The following CAMK1D variants were observed in gnomAD, a reference collection of about 807,000 sequenced individuals.
CAMK1D encodes calcium/calmodulin dependent protein kinase ID, also known as calcium/calmodulin-dependent protein kinase type 1D.
A neutral mutation model predicts 47.7 loss-of-function variants in CAMK1D; 9 were observed. The ratio of observed to expected loss-of-function variants is 0.19; its 90% CI spans 0.11 to 0.33. The LOEUF (loss-of-function observed/expected upper bound fraction) is 0.33. Ranked by LOEUF, CAMK1D falls within the 10% of genes least tolerant of loss-of-function variation. The pLI is 1.00. For missense variants in CAMK1D, 291 were observed against 488.7 expected (o/e 0.60, Z 3.81); for synonymous variants, 184 against 184.9 (o/e 0.99, Z 0.04).
At position 12,391,470 on chromosome 10, in the gene CAMK1D, A is replaced by T. The variant is rs568493863; in HGVS notation, c.92+41560A>T. The stretch of plus-strand genomic sequence containing the variant: ...TCACCGGTTGCTTTTCACATTCTTA[A>T]TTCTTTTGCCAATTTTCCAGATGCC... On this transcript the variant is annotated intron_variant, in intron 1 of 10. Coordinates refer to ENST00000619168, the MANE Select transcript of CAMK1D (RefSeq NM_153498.4). 5.3e-5 allele frequency among the ~76,000 whole-genome samples: 8 copies of T among 152,100 alleles called. No individual in the cohort carries two copies. The South Asian group carries it at 1.7e-3, about 32-fold the overall frequency.
In CAMK1D at chr10:12,732,650, C is replaced by T. The variant is rs114446904; in HGVS notation, c.300-28298C>T. On this transcript the variant is annotated intron_variant, in intron 3 of 10. Transcript: ENST00000619168. ...GAGAATAGCACAGGAAAGATGGGCC[C>T]CCATTATTCAATTACCCCCGCCCCC... 1.2e-3 allele frequency among the ~76,000 whole-genome samples: 184 copies of T among 150,570 alleles called. 1 individual carries two copies. Among genetic ancestry groups the T allele is most frequent in the African/African-American group, 4.3e-3 (175 of 40,318 alleles).
chr10:12,636,687 A>G (rs1839521408), intron 2 of CAMK1D, among the ~76,000 whole-genome samples: 1 of 152,136 alleles, frequency 6.6e-6, no homozygotes, highest in Non-Finnish European at 1.5e-5. Flanking sequence ...ACTTGTTTGA[A>G]GTTATACAGC....
intron 1 of CAMK1D, among the ~76,000 whole-genome samples, chr10:12,547,200 T>G (rs919166264): frequency 6.6e-6 from 1 of 152,004 alleles, no homozygotes; most frequent in African/African-American, 2.4e-5. Context: ...AGCAAAGAAC[T>G]TTAGGAAGGA....
intron 1 of CAMK1D, among the ~76,000 whole-genome samples, chr10:12,391,515 C>CA (rs1838731756): frequency 1.4e-5 from 2 of 147,894 alleles, no homozygotes; most frequent in Admixed American, 1.4e-4. Context: ...TCATGCTGAC[C>CA]GTTTTTTTTA....
At chr10:12,525,856 C>A (rs532772476) in intron 1 of CAMK1D, among the ~76,000 whole-genome samples, 110 of 152,288 alleles carry the variant, frequency 7.2e-4, no homozygotes, top group African/African-American at 2.6e-3. Context: ...CTCTCAGGTT[C>A]AGGCAATTCT....
chr10:12,428,919 C>T (rs948598736), intron 1 of CAMK1D, among the ~76,000 whole-genome samples: 3 of 152,228 alleles, frequency 2.0e-5, no homozygotes, highest in African/African-American at 7.2e-5. Context: ...GAAGAGGGCG[C>T]TCACCAGAAC....
rs1833445109 is a variant in CAMK1D at position 12,833,091 on chromosome 10, G to T, written c.*4204G>T. On this transcript the variant is annotated 3_prime_UTR_variant, in exon 11 of 11. Coordinates refer to ENST00000619168, the MANE Select transcript of CAMK1D (RefSeq NM_153498.4). ...ACTGCACTCCAGCCTGGGTGACAGA[G>T]CAAGACTCCGTCTCAAAAAAGATGG... 6.6e-6 allele frequency: 1 copy of T among 152,552 alleles called. No individual in the cohort carries two copies. Among genetic ancestry groups the T allele is most frequent in the South Asian group, 2.1e-4 (1 of 4,834 alleles). The allele number at this position is 152,552 out of a possible 1,614,324, so 9.4% of individuals were successfully genotyped here. A position where few individuals can be genotyped will look rare whatever the true frequency, so the allele number is the denominator to read the frequency against.
At chr10:12,475,993 G>A (rs1472391485) in intron 1 of CAMK1D, among the ~76,000 whole-genome samples, 1 of 152,004 alleles carries the variant, frequency 6.6e-6, no homozygotes, top group Non-Finnish European at 1.5e-5. Context: ...GGTGGTACAT[G>A]AGGAAGAGAG....
rs149735234 is a variant in CAMK1D, at chr10:12,614,276, A to T, written c.225-52460A>T. The stretch of plus-strand genomic sequence containing the variant: ...GCCCTTCACACACACACTACCGTGT[A>T]GCAAGTGTTCACTTGGTGTTGTCAT... On this transcript the variant is annotated intron_variant, in intron 2 of 10. Coordinates refer to ENST00000619168, the MANE Select transcript of CAMK1D (RefSeq NM_153498.4). Among the ~76,000 whole-genome samples the T allele has an allele frequency of 8.5e-5, 13 of 152,370 alleles. 1 individual carries two copies. In the East Asian group the frequency reaches 2.5e-3, roughly 29 times the overall value.
chr10:12,619,643 A>G (rs1439206693), intron 2 of CAMK1D, among the ~76,000 whole-genome samples: 1 of 152,170 alleles, frequency 6.6e-6, no homozygotes, highest in East Asian at 1.9e-4. Context: ...TAATTTCAAG[A>G]TAGTTGTAGA....
intron 6 of CAMK1D, among the ~76,000 whole-genome samples, chr10:12,794,422 G>A (rs1341097190): frequency 2.6e-5 from 4 of 152,104 alleles, no homozygotes; most frequent in Admixed American, 2.0e-4. Flanking sequence ...ACTGAGTAGT[G>A]TATGCACGTG....
chr10:12,553,678 T>C (rs1370264938), intron 2 of CAMK1D, among the ~76,000 whole-genome samples: 1 of 152,118 alleles, frequency 6.6e-6, no homozygotes, highest in African/African-American at 2.4e-5. Flanking sequence ...CTCTGTAAAA[T>C]GGAGTTACCG....
intron 2 of CAMK1D, among the ~76,000 whole-genome samples, chr10:12,625,992 T>C (rs1307782603): frequency 6.6e-6 from 1 of 152,212 alleles, no homozygotes; most frequent in Non-Finnish European, 1.5e-5. Flanking sequence ...TATATATTCA[T>C]CATAACAAGT....
chr10:12,434,418 G>A (rs1238345033), intron 1 of CAMK1D, among the ~76,000 whole-genome samples: 2 of 152,136 alleles, frequency 1.3e-5, no homozygotes, highest in Admixed American at 6.6e-5. Flanking sequence ...CCTTGATCAT[G>A]GATGCCCATG....
chr10:12,576,462 T>TA (rs1564422994), intron 2 of CAMK1D, among the ~76,000 whole-genome samples: 1 of 151,664 alleles, frequency 6.6e-6, no homozygotes, highest in Admixed American at 6.6e-5. Flanking sequence ...GTACTTTATT[T>TA]TTATTATTAT....
In CAMK1D at chr10:12,602,895, G is replaced by GTTGTTATTATTATTATTATTA. The variant is rs150080599; in HGVS notation, c.224+49541_224+49542insGTTATTATTATTATTATTATT. 2.7e-3 allele frequency among the ~76,000 whole-genome samples: 359 copies of GTTGTTATTATTATTATTATTA among 134,406 alleles called. 1 individual carries two copies. The highest frequency in any genetic ancestry group is 4.6e-3 in the African/African-American group (170 of 36,626). 88.2% of individuals were successfully genotyped at this position (134,406 alleles called of 152,430 possible). A position where few individuals can be genotyped will look rare whatever the true frequency, so the allele number is the denominator to read the frequency against. On this transcript the variant is annotated intron_variant, in intron 2 of 10. Coordinates refer to ENST00000619168, the MANE Select transcript of CAMK1D (RefSeq NM_153498.4). Reference sequence around the variant, plus strand: ...GCATCACATGTCTTTCTAACTGCTTGTTATTATTATTATTATTATTATTAT... The same window carrying GTTGTTATTATTATTATTATTA: ...GCATCACATGTCTTTCTAACTGCTTGTTGTTATTATTATTATTATTATTATTATTATTATTATTATTATTAT...
At chr10:12,581,280 C>T (rs1837656104) in intron 2 of CAMK1D, among the ~76,000 whole-genome samples, 1 of 152,172 alleles carries the variant, frequency 6.6e-6, no homozygotes, top group African/African-American at 2.4e-5. Flanking sequence ...TCCTTATCCA[C>T]TCGTTGATTG....
intron 1 of CAMK1D, among the ~76,000 whole-genome samples, chr10:12,377,768 C>G (rs1838225807): frequency 6.6e-6 from 1 of 152,154 alleles, no homozygotes; most frequent in Non-Finnish European, 1.5e-5. Flanking sequence ...AACACCCAGT[C>G]TCTTAAGACA....
intron 1 of CAMK1D, among the ~76,000 whole-genome samples, chr10:12,547,331 C>T (rs953526347): frequency 1.3e-5 from 2 of 152,174 alleles, no homozygotes; most frequent in Non-Finnish European, 2.9e-5. Flanking sequence ...GGAAGAAGGT[C>T]GACTGCAGAG....
Sources: allele counts gnomAD v4.1 joint callset (sites outside exome capture counted in the v4.1 genomes callset), GRCh38; gene constraint gnomAD v4.1.1; transcripts MANE v1.5; gene names NCBI Gene and HGNC (gene_info 2026-07-23, HGNC 2026-07-21).